SIPA1L1: variants seen among roughly 807,000 people sequenced by gnomAD.
SIPA1L1 encodes the protein signal induced proliferation associated 1 like 1, also known as signal-induced proliferation-associated 1-like protein 1.
A neutral mutation model predicts 162.7 loss-of-function variants in SIPA1L1; 26 were observed. The observed-to-expected ratio is 0.16, with a 90% confidence interval of 0.12 to 0.22. SIPA1L1 has a LOEUF of 0.22. Among genes scored for constraint, SIPA1L1 ranks in the 10% least tolerant of loss-of-function variants. SIPA1L1 has a pLI of 1.00. For missense variants in SIPA1L1, 1,874 were observed against 2,241.0 expected (o/e 0.84, Z 3.31); for synonymous variants, 829 against 837.4 (o/e 0.99, Z 0.17).
At chr14:71,564,820 C>A (rs1293087035) in intron 4 of SIPA1L1, among the ~76,000 whole-genome samples, 1 of 152,172 alleles carries the variant, frequency 6.6e-6, no homozygotes, top group African/African-American at 2.4e-5. Flanking sequence ...CTTTCTTTAG[C>A]TCTTTCTCCG....
At chr14:71,706,412 A>G (rs1260153488) in intron 16 of SIPA1L1, among the ~76,000 whole-genome samples, 3 of 152,222 alleles carry the variant, frequency 2.0e-5, no homozygotes, top group African/African-American at 7.2e-5. Context: ...AATTAATTTC[A>G]CATGTTTCTT....
At chr14:71,494,509 T>G (rs2049559676) in intron 2 of SIPA1L1, among the ~76,000 whole-genome samples, 1 of 150,430 alleles carries the variant, frequency 6.6e-6, no homozygotes. Context: ...CTAATTGAGA[T>G]TTTCTTTTCT....
At chr14:71,329,751 A>G (rs773365813) in intron 2 of SIPA1L1, among the ~76,000 whole-genome samples, 7 of 152,152 alleles carry the variant, frequency 4.6e-5, no homozygotes, top group Admixed American at 6.5e-5. Flanking sequence ...TTATCTCTGC[A>G]TATATGTCTG....
intron 5 of SIPA1L1, among the ~76,000 whole-genome samples, chr14:71,609,117 C>T (rs1249623289): frequency 6.6e-6 from 1 of 151,812 alleles, no homozygotes; most frequent in African/African-American, 2.4e-5. Context: ...TGGGCCATGC[C>T]ATCTCTTATT....
chr14:71,691,776 A>G (rs1222648971), intron 13 of SIPA1L1, among the ~76,000 whole-genome samples: 3 of 152,010 alleles, frequency 2.0e-5, no homozygotes, highest in Non-Finnish European at 2.9e-5. Context: ...AAGTCTTGCC[A>G]TGCCTGCTCC....
rs544118264 is a variant in SIPA1L1 at position 71,610,744 on chromosome 14, T to C, written c.1499-8013T>C. 8.5e-5 allele frequency among the ~76,000 whole-genome samples: 13 copies of C among 152,362 alleles called. No homozygotes were observed. In the East Asian group the frequency reaches 2.1e-3, roughly 25 times the overall value. ...CTTTAATCATTTAGATGCAATTTAT[T>C]AATATCAACATAACTTCATACTAAA... is the stretch of plus-strand genomic sequence containing the variant. On this transcript the variant is annotated intron_variant, in intron 5 of 23. Transcript: ENST00000381232.
At chr14:71,544,274 T>C (rs1298782059) in intron 4 of SIPA1L1, among the ~76,000 whole-genome samples, 8 of 107,370 alleles carry the variant, frequency 7.5e-5, no homozygotes, top group Admixed American at 2.8e-4. Flanking sequence ...TATGTGTATA[T>C]ACATATGTGT....
At chr14:71,331,636 A>G (rs1244568320) in intron 2 of SIPA1L1, among the ~76,000 whole-genome samples, 1 of 152,186 alleles carries the variant, frequency 6.6e-6, no homozygotes, top group Admixed American at 6.5e-5. Context: ...CATACCCAAC[A>G]CTCTGTGTCA....
intron 2 of SIPA1L1, among the ~76,000 whole-genome samples, chr14:71,374,245 G>A (rs986688062): frequency 6.6e-6 from 1 of 152,032 alleles, no homozygotes; most frequent in Non-Finnish European, 1.5e-5. Flanking sequence ...ATATAGGACT[G>A]TTTTTGTAGT....
chr14:71,542,731 TC>T (rs2054582511), intron 4 of SIPA1L1, among the ~76,000 whole-genome samples: 1 of 134,770 alleles, frequency 7.4e-6, no homozygotes, highest in Non-Finnish European at 1.6e-5. Context: ...CTCCTCCTCC[TC>T]CTTCTTCTCT....
At chr14:71,441,996 A>C (rs1373010216) in intron 2 of SIPA1L1, among the ~76,000 whole-genome samples, 1 of 151,560 alleles carries the variant, frequency 6.6e-6, no homozygotes, top group Non-Finnish European at 1.5e-5. Context: ...GCAGGGTGAA[A>C]CCTCGTCTTC....
intron 2 of SIPA1L1, among the ~76,000 whole-genome samples, chr14:71,460,799 A>G (rs1395368279): frequency 1.3e-5 from 2 of 152,108 alleles, no homozygotes; most frequent in Non-Finnish European, 2.9e-5. Flanking sequence ...ACAGTACCAT[A>G]TATTATTGGA....
At chr14:71,486,508 C>T (rs1442421731) in intron 2 of SIPA1L1, among the ~76,000 whole-genome samples, 3 of 152,190 alleles carry the variant, frequency 2.0e-5, no homozygotes, top group Non-Finnish European at 4.4e-5. Context: ...TCAAGGGAGG[C>T]TCAAGTGTGG....
rs2082521752 is a variant in SIPA1L1 at position 71,707,272 on chromosome 14, T to C, written c.3765+1932T>C. 2.0e-5 allele frequency among the ~76,000 whole-genome samples: 3 copies of C among 152,206 alleles called. No homozygotes were observed. The South Asian group carries it at 6.2e-4, about 32-fold the overall frequency. On this transcript the variant is annotated intron_variant, in intron 16 of 23. Coordinates refer to ENST00000381232, the MANE Select transcript of SIPA1L1 (RefSeq NM_001386936.1). ...TTAAATTCTTATTTGGGAAACTCTA[T>C]AAAATGTTCTTTCTAAGCATCTAAG... is the stretch of plus-strand genomic sequence containing the variant.
chr14:71,571,929 G>A (rs762225409), intron 4 of SIPA1L1, among the ~76,000 whole-genome samples: 1 of 151,886 alleles, frequency 6.6e-6, no homozygotes, highest in Non-Finnish European at 1.5e-5. Context: ...TGGGATTACA[G>A]GCGTGAGCCA....
At chr14:71,609,438 TTTTA>T (rs57449706) in intron 5 of SIPA1L1, among the ~76,000 whole-genome samples, 33,159 of 139,932 alleles carry the variant, frequency 0.24, 4,710 homozygotes, top group East Asian at 0.6. Context: ...CCAGCTAATA[TTTTA>T]TTTATTTATT....
intron 2 of SIPA1L1, among the ~76,000 whole-genome samples, chr14:71,480,926 A>G (rs1391179977): frequency 6.6e-6 from 1 of 152,238 alleles, no homozygotes; most frequent in Non-Finnish European, 1.5e-5. Context: ...TCTACTAAAA[A>G]AATTAACAAT....
At chr14:71,346,274 T>C (rs2036159097) in intron 2 of SIPA1L1, among the ~76,000 whole-genome samples, 1 of 152,176 alleles carries the variant, frequency 6.6e-6, no homozygotes, top group African/African-American at 2.4e-5. Flanking sequence ...AAACTATATG[T>C]GTGGAAATCT....
intron 7 of SIPA1L1, among the ~76,000 whole-genome samples, chr14:71,640,294 G>C (rs540065201): frequency 6.6e-6 from 1 of 152,244 alleles, no homozygotes; most frequent in South Asian, 2.1e-4. Flanking sequence ...GAAAAACATA[G>C]GAGAAAATCT....
Sources: allele counts gnomAD v4.1 joint callset (sites outside exome capture counted in the v4.1 genomes callset), GRCh38; gene constraint gnomAD v4.1.1; transcripts MANE v1.5; gene names NCBI Gene and HGNC (gene_info 2026-07-23, HGNC 2026-07-21).